TNS3: variants seen among roughly 807,000 people sequenced by gnomAD.
TNS3 encodes tensin-3.
TNS3 carries 45 observed loss-of-function variants against 140.9 expected under a neutral mutation model. The ratio of observed to expected loss-of-function variants is 0.32; its 90% CI spans 0.25 to 0.41. The LOEUF (loss-of-function observed/expected upper bound fraction) is 0.41. Ranked by LOEUF, TNS3 falls within the 10% of genes least tolerant of loss-of-function variation. The pLI is 1.00. For missense variants in TNS3, 1,716 were observed against 1,906.7 expected (o/e 0.90, Z 1.86); for synonymous variants, 815 against 788.4 (o/e 1.03, Z -0.56).
rs116655989 is a variant in TNS3, at chr7:47,536,137, C to T, written c.-264-6990G>A. On this transcript the variant is annotated intron_variant, in intron 1 of 30. Transcript: ENST00000311160. Reference sequence around the variant, plus strand: ...CCTCCACATCCAACACATATTGTTCCCACACTTCCAGGCAGCAGCGTTTGA... The same window carrying T: ...CCTCCACATCCAACACATATTGTTCTCACACTTCCAGGCAGCAGCGTTTGA... Among the ~76,000 whole-genome samples the T allele has an allele frequency of 3.9e-3, 592 of 152,338 alleles. 3 individuals carry two copies. Among genetic ancestry groups the T allele is most frequent in the African/African-American group, 0.014 (563 of 41,562 alleles).
At chr7:47,405,518 C>A in intron 13 of TNS3, 1 of 703,000 alleles carries the variant, frequency 1.4e-6, no homozygotes. Context: ...TCACTTGGAG[C>A]TGAAAATGAC....
intron 1 of TNS3, among the ~76,000 whole-genome samples, chr7:47,538,448 A>G (rs1799682852): frequency 6.6e-6 from 1 of 152,146 alleles, no homozygotes; most frequent in Non-Finnish European, 1.5e-5. Context: ...GCAGTGTCCC[A>G]GAGCTCAGCC....
intron 3 of TNS3, 63 bp downstream of exon 3, chr7:47,506,844 T>C: frequency 8.2e-7 from 1 of 1,220,900 alleles, no homozygotes; most frequent in African/African-American, 1.6e-5. Context: ...CCCCCACACA[T>C]ATCATTCAAT....
chr7:47,313,468 A>G (rs1288720599), intron 20 of TNS3, among the ~76,000 whole-genome samples: 1 of 152,196 alleles, frequency 6.6e-6, no homozygotes, highest in Non-Finnish European at 1.5e-5. Flanking sequence ...GCAGCACAGA[A>G]CTTTGGAATA....
In TNS3 at chr7:47,369,514, T is replaced by C. The variant is rs1408797254; in HGVS notation, c.1132A>G (p.Asn378Asp). The C allele has an allele frequency of 1.2e-6, 2 of 1,614,046 alleles. No homozygotes were observed. The highest frequency in any genetic ancestry group is 1.7e-5 in the Admixed American group (1 of 60,022). ...GTGTGGTCACTGTGGTCTGGGCTGT[T>C]GGTGGCCGGGATTGCCTGGGGGCCA... Reference protein sequence around the residue: ...PGGPQAIPATNSPDHSDHTLS... With the variant: ...PGGPQAIPATDSPDHSDHTLS... Residue 378 changes from asparagine to aspartate, a missense_variant, in exon 17 of 31, where the codon AAC becomes GAC. Asn to Asp is a conservative substitution (Grantham distance 23). Coordinates refer to ENST00000311160, the MANE Select transcript of TNS3 (RefSeq NM_022748.12).
At chr7:47,534,163 A>T (rs1331437670) in intron 1 of TNS3, among the ~76,000 whole-genome samples, 2 of 152,000 alleles carry the variant, frequency 1.3e-5, no homozygotes, top group Non-Finnish European at 2.9e-5. Context: ...AATCCCAGCT[A>T]CTCAGGAGGC....
intron 6 of TNS3, 76 bp downstream of exon 6, chr7:47,439,411 T>C (rs551453666): frequency 6.6e-7 from 1 of 1,507,504 alleles, no homozygotes; most frequent in East Asian, 2.3e-5. Flanking sequence ...TAAACCAGTG[T>C]TCTGTGAGTG....
At chr7:47,409,656 A>ATTTTTTTTTGTT (rs1314338489) in intron 13 of TNS3, among the ~76,000 whole-genome samples, 1 of 150,020 alleles carries the variant, frequency 6.7e-6, no homozygotes, top group African/African-American at 2.5e-5. Flanking sequence ...CTCTTGGCCT[A>ATTTTTTTTTGTT]TTCTTTTTTT....
intron 1 of TNS3, among the ~76,000 whole-genome samples, chr7:47,576,813 C>G (rs552078177): frequency 5.9e-5 from 9 of 152,178 alleles, no homozygotes; most frequent in South Asian, 2.1e-4. Flanking sequence ...ATGGGGAGAG[C>G]GCAGATTCCT....
intron 10 of TNS3, among the ~76,000 whole-genome samples, chr7:47,420,272 G>T (rs1794304612): frequency 6.6e-6 from 1 of 152,182 alleles, no homozygotes; most frequent in African/African-American, 2.4e-5. Flanking sequence ...CGCACTAGGA[G>T]AATGTGGGGT....
At chr7:47,486,757 G>A (rs928303344) in intron 3 of TNS3, among the ~76,000 whole-genome samples, 1 of 152,130 alleles carries the variant, frequency 6.6e-6, no homozygotes, top group African/African-American at 2.4e-5. Context: ...TCCAAACTCA[G>A]CTTTTATTGT....
At chr7:47,479,598 C>T (rs1218570265) in intron 4 of TNS3, among the ~76,000 whole-genome samples, 2 of 152,250 alleles carry the variant, frequency 1.3e-5, no homozygotes, top group East Asian at 1.9e-4. Flanking sequence ...CCGCCCCGGA[C>T]GGCCTCAGCT....
chr7:47,546,295 G>A (rs529400628), intron 1 of TNS3, among the ~76,000 whole-genome samples: 5 of 152,122 alleles, frequency 3.3e-5, no homozygotes, highest in Admixed American at 6.5e-5. Context: ...CTCACGTGGC[G>A]TCCACGTCCG....
At chr7:47,279,087 C>G (rs953824234) in intron 30 of TNS3, 1 of 152,372 alleles carries the variant, frequency 6.6e-6, no homozygotes, top group South Asian at 2.1e-4. Flanking sequence ...CAGTCCCCAC[C>G]GGGGAAGCCC....
At chr7:47,348,145 A>T (rs1337953975) in intron 17 of TNS3, among the ~76,000 whole-genome samples, 1 of 152,246 alleles carries the variant, frequency 6.6e-6, no homozygotes, top group African/African-American at 2.4e-5. Flanking sequence ...GTGAGGTCAC[A>T]AAGTTGGGCT....
chr7:47,409,703 G>T (rs1186186928), intron 13 of TNS3, among the ~76,000 whole-genome samples: 1 of 151,784 alleles, frequency 6.6e-6, no homozygotes, highest in Non-Finnish European at 1.5e-5. Context: ...TGTCGCCCAG[G>T]CTGGAGTGCA....
intron 24 of TNS3, among the ~76,000 whole-genome samples, chr7:47,294,974 C>T (rs949928358): frequency 6.6e-6 from 1 of 152,070 alleles, no homozygotes; most frequent in African/African-American, 2.4e-5. Context: ...CCTAGCTGTC[C>T]CATCTCCAGT....
chr7:47,339,480 C>CA (rs1249998194), intron 20 of TNS3, among the ~76,000 whole-genome samples: 2 of 152,154 alleles, frequency 1.3e-5, no homozygotes, highest in South Asian at 2.1e-4. Context: ...GTACCTTTGT[C>CA]AAAAAAATCA....
intron 4 of TNS3, among the ~76,000 whole-genome samples, chr7:47,465,537 T>G (rs1228383626): frequency 6.6e-6 from 1 of 152,124 alleles, no homozygotes; most frequent in Non-Finnish European, 1.5e-5. Flanking sequence ...CCAAATCAAC[T>G]GCATCCATAC....
Sources: allele counts gnomAD v4.1 joint callset (sites outside exome capture counted in the v4.1 genomes callset), GRCh38; gene constraint gnomAD v4.1.1; transcripts MANE v1.5; gene names NCBI Gene and HGNC (gene_info 2026-07-23, HGNC 2026-07-21).